SCAF4: variants seen among roughly 807,000 people sequenced by gnomAD.
SCAF4 encodes SR-related and CTD-associated factor 4.
SCAF4 carries 25 observed loss-of-function variants against 129.8 expected under a neutral mutation model. The observed-to-expected ratio is 0.19, with a 90% CI of 0.14 to 0.27. SCAF4 has a LOEUF of 0.27. Among genes scored for constraint, SCAF4 ranks in the 10% least tolerant of loss-of-function variants. The pLI is 1.00. For synonymous variants in SCAF4, 551 were observed against 497.7 expected, an observed-to-expected ratio of 1.11 and a Z score of -1.43; for missense variants, 1,246 against 1,457.1, an observed-to-expected ratio of 0.86 and a Z score of 2.36.
chr21:31,674,882 T>A (rs1162524578), intron 19 of SCAF4, among the ~76,000 whole-genome samples: 1 of 152,176 alleles, frequency 6.6e-6, no homozygotes, highest in African/African-American at 2.4e-5. Context: ...AAGGGACAGT[T>A]TGGTAGAAAT....
At chr21:31,697,557 G>A (rs2050418288) in intron 7 of SCAF4, among the ~76,000 whole-genome samples, 1 of 152,164 alleles carries the variant, frequency 6.6e-6, no homozygotes, top group Non-Finnish European at 1.5e-5. Context: ...GTAGAATCAG[G>A]ATGCGGACAC....
intron 9 of SCAF4, among the ~76,000 whole-genome samples, chr21:31,695,508 C>T (rs184011956): frequency 5.9e-5 from 9 of 152,196 alleles, no homozygotes; most frequent in Admixed American, 5.2e-4. Flanking sequence ...TCAGTTTAAA[C>T]ACAAATAAAA....
intron 17 of SCAF4, 27 bp downstream of exon 17, chr21:31,685,541 A>C (rs2050099158): frequency 6.2e-7 from 1 of 1,613,982 alleles, no homozygotes; most frequent in Admixed American, 1.7e-5. Flanking sequence ...CAGGCTCTAA[A>C]GTATGTTCAC....
rs1000833750 is a variant in SCAF4, at chr21:31,701,284, C to G, written c.601-113G>C. 9.4e-6 allele frequency: 8 copies of G among 852,346 alleles called. No homozygotes were observed. In the East Asian group the frequency reaches 2.2e-4, roughly 24 times the overall value. The allele number at this position is 852,346 out of a possible 1,614,324, so 52.8% of individuals were successfully genotyped here. On this transcript the variant is annotated intron_variant, in intron 6 of 19. Coordinates refer to ENST00000286835, the MANE Select transcript of SCAF4 (RefSeq NM_020706.2). ...GATTCAAAGTAGCATAGGCACAGAA[C>G]AAATTGGGGAAAAAATCCTTTTATG... is the stretch of plus-strand genomic sequence containing the variant.
intron 19 of SCAF4, among the ~76,000 whole-genome samples, chr21:31,681,692 T>G (rs531538583): frequency 1.1e-4 from 16 of 152,314 alleles, no homozygotes; most frequent in African/African-American, 3.6e-4. Context: ...TTTTATATTT[T>G]CAGATTATCA....
At position 31,685,623 on chromosome 21, in the gene SCAF4, G is replaced by C; in HGVS notation, c.2154C>G (p.Pro718=). The change falls in exon 17 of 20, where the codon CCC becomes CCG. Residue 718 remains proline, a synonymous_variant. Transcript: ENST00000286835. ...PPGFGPGVPP[P]PPPPPFLRPG... is the part of the protein sequence containing the mutation. ...GGCGCAAAAATGGTGGAGGAGGAGG[G>C]GGAGGAGGAACACCAGGACCAAAGC... 1 of 1,614,084 alleles carries C rather than the reference G, an allele frequency of 6.2e-7. No individual in the cohort carries two copies. Among genetic ancestry groups the C allele is most frequent in the Non-Finnish European group, 8.5e-7 (1 of 1,180,018 alleles).
chr21:31,689,887 A>T (rs1397426435), intron 15 of SCAF4, among the ~76,000 whole-genome samples: 2 of 151,834 alleles, frequency 1.3e-5, no homozygotes, highest in Non-Finnish European at 2.9e-5. Flanking sequence ...GTGAGCCAAG[A>T]TCATGCCACT....
chr21:31,707,152 A>G (rs1330706512), intron 1 of SCAF4, among the ~76,000 whole-genome samples: 1 of 152,018 alleles, frequency 6.6e-6, no homozygotes, highest in Admixed American at 6.5e-5. Context: ...CATTCCATAG[A>G]TGGGGGGGTT....
rs866358698 is a variant in SCAF4, at chr21:31,731,789, G to A, written c.-97C>T. The A allele has an allele frequency of 1.1e-5, 15 of 1,348,822 alleles. No homozygotes were observed. The highest frequency in any genetic ancestry group is 1.5e-5 in the African/African-American group (1 of 66,050). 83.6% of individuals were successfully genotyped at this position (1,348,822 alleles called of 1,614,324 possible). On this transcript the variant is annotated 5_prime_UTR_variant, in exon 1 of 20. Transcript: ENST00000286835. ...GGGAAACCAGCCGGGCCTGGTGGCC[G>A]GGGGGAGGCGACGAGCGGCGGAGTC...
rs78489506 is a variant in SCAF4 at position 31,720,737 on chromosome 21, T to C, written c.30+10926A>G. Among the ~76,000 whole-genome samples, 48 of 152,346 alleles carry C rather than the reference T, an allele frequency of 3.2e-4. 1 individual carries two copies. The East Asian group carries it at 9.3e-3, about 29-fold the overall frequency. ...AACTCATTAGCCAGCACCTGGTTATTTAATGGGCAAATGCAGGATTCTTTT... is the reference window on the plus strand; with the variant it reads ...AACTCATTAGCCAGCACCTGGTTATCTAATGGGCAAATGCAGGATTCTTTT... On this transcript the variant is annotated intron_variant, in intron 1 of 19. Transcript: ENST00000286835.
chr21:31,690,678 G>C (rs1404752659), intron 15 of SCAF4, 119 bp downstream of exon 15: 3 of 804,396 alleles, frequency 3.7e-6, no homozygotes, highest in Non-Finnish European at 6.0e-6. Context: ...TACTGACACA[G>C]GAGGGATCCT....
At position 31,685,430 on chromosome 21, in the gene SCAF4, G is replaced by A; in HGVS notation, c.2264C>T (p.Pro755Leu). ...GATGCTTATTGGTGGAGTGTGAGGA[G>A]GAGGAATGGATACTGGTGGAGTTAT... ...PPITPPVSIP[P>L]PHTPPISIPN... Residue 755 changes from proline (P) to leucine (L), a missense_variant, in exon 18 of 20, where the codon CCT becomes CTT. This residue lies in a region of SCAF4 where 468 missense variants were observed against 605.5 expected (regional missense o/e 0.77). Transcript: ENST00000286835. The A allele has an allele frequency of 6.2e-7, 1 of 1,613,392 alleles. No individual in the cohort carries two copies. The highest frequency in any genetic ancestry group is 1.3e-5 in the African/African-American group (1 of 75,032).
chr21:31,713,855 A>C (rs2050863005), intron 1 of SCAF4, among the ~76,000 whole-genome samples: 1 of 152,204 alleles, frequency 6.6e-6, no homozygotes, highest in African/African-American at 2.4e-5. Context: ...AGTAGACAAC[A>C]GATTCAAAGA....
rs1434537414 is a variant in SCAF4, at chr21:31,694,830, G to C, written c.1219C>G (p.Gln407Glu). 1 of 1,614,142 alleles carries C rather than the reference G, an allele frequency of 6.2e-7. No homozygotes were observed. Among genetic ancestry groups the C allele is most frequent in the East Asian group, 2.2e-5 (1 of 44,878 alleles). Reference protein sequence around the residue: ...SFQAQNEPLTQKPHQQEMEVE... With the variant: ...SFQAQNEPLTEKPHQQEMEVE... The stretch of plus-strand genomic sequence containing the variant: ...AGTTTTACCTGCTGATGCGGCTTCT[G>C]TGTAAGTGGTTCATTTTGTGCCTGA... Residue 407 changes from glutamine (Q) to glutamate (E), a missense_variant, in exon 10 of 20, where the codon CAG becomes GAG. Gln to Glu is a conservative substitution (Grantham distance 29). This residue lies in a region of SCAF4 where 236 missense variants were observed against 210.0 expected (regional missense o/e 1.12). Coordinates refer to ENST00000286835, the MANE Select transcript of SCAF4 (RefSeq NM_020706.2).
chr21:31,684,126 C>G (rs2050059486), intron 19 of SCAF4: 1 of 153,530 alleles, frequency 6.5e-6, no homozygotes, highest in African/African-American at 2.4e-5. Flanking sequence ...TCCTACATCT[C>G]AGAGGTAATC....
rs762039419 is a variant in SCAF4, at chr21:31,671,833, ATCT to A, written c.3007_3009del (p.Arg1003del). 3.3e-5 allele frequency: 53 copies of A among 1,613,960 alleles called. No individual in the cohort carries two copies. Among genetic ancestry groups the A allele is most frequent in the Non-Finnish European group, 3.8e-5 (45 of 1,180,008 alleles). On this transcript the variant is annotated inframe_deletion, in exon 20 of 20. Coordinates refer to ENST00000286835, the MANE Select transcript of SCAF4 (RefSeq NM_020706.2). The stretch of plus-strand genomic sequence containing the variant: ...TCATTTTCCACCCTATTTCCAAAAG[ATCT>A]TCTTCCAAACCTTTCTTGGTCTCTA...
chr21:31,694,898 A>C lies in SCAF4; in HGVS notation c.1151T>G (p.Ile384Ser). The change falls in exon 10 of 20, where the codon ATT (isoleucine) becomes AGT (serine). Residue 384 changes from isoleucine (I) to serine (S), a missense_variant. Ile to Ser is a moderately radical substitution (Grantham distance 142). Transcript: ENST00000286835. ...CTGCTGCACTGGTGGAGTTGGAGGAATCACAGGCTGAGCCATGGGAGGAAA... is the reference window on the plus strand; with the variant it reads ...CTGCTGCACTGGTGGAGTTGGAGGACTCACAGGCTGAGCCATGGGAGGAAA... The part of the protein sequence containing the change: ...PPFPPMAQPV[I>S]PPTPPVQQPF... The C allele has an allele frequency of 3.1e-6, 5 of 1,614,150 alleles. No homozygotes were observed. Among genetic ancestry groups the C allele is most frequent in the Non-Finnish European group, 3.4e-6 (4 of 1,179,972 alleles).
intron 1 of SCAF4, among the ~76,000 whole-genome samples, chr21:31,716,294 A>G (rs1342147706): frequency 2.0e-5 from 3 of 152,138 alleles, no homozygotes; most frequent in African/African-American, 7.2e-5. Context: ...TATGACCTCC[A>G]AGATGACAAA....
At chr21:31,690,124 T>C (rs1490384508) in intron 15 of SCAF4, among the ~76,000 whole-genome samples, 5 of 152,170 alleles carry the variant, frequency 3.3e-5, no homozygotes, top group Non-Finnish European at 7.4e-5. Flanking sequence ...TCTTACACGT[T>C]TACTTTAGAT....
Sources: allele counts gnomAD v4.1 joint callset (sites outside exome capture counted in the v4.1 genomes callset), GRCh38; gene constraint gnomAD v4.1.1; regional missense constraint gnomAD v4.1.1; transcripts MANE v1.5; gene names NCBI Gene and HGNC (gene_info 2026-07-23, HGNC 2026-07-21).